BARX2: variants seen among roughly 807,000 people sequenced by gnomAD.
BARX2 encodes the protein homeobox protein BarH-like 2.
A neutral mutation model predicts 25.5 loss-of-function variants in BARX2; 11 were observed. That is an observed-to-expected ratio of 0.43 (90% CI 0.27 to 0.71). The LOEUF (loss-of-function observed/expected upper bound fraction) is 0.71. Among genes scored for constraint, BARX2 ranks in the 30% least tolerant of loss-of-function variants. The pLI is 0.19. For missense variants in BARX2, 360 were observed against 359.9 expected (o/e 1.00, Z 0.00); for synonymous variants, 137 against 149.5 (o/e 0.92, Z 0.61).
chr11:129,436,648 G>T lies in BARX2; in HGVS notation c.188-103G>T. Reference sequence around the variant, plus strand: ...CCATCTGTACCTCCTTAAGAGCAGGGCCCTCCCTGTCAGACAGACCTCAGC... The same window carrying T: ...CCATCTGTACCTCCTTAAGAGCAGGTCCCTCCCTGTCAGACAGACCTCAGC... On this transcript the variant is annotated intron_variant, in intron 1 of 3. Coordinates refer to ENST00000281437, the MANE Select transcript of BARX2 (RefSeq NM_003658.5). This position sits in a 1 kb window ranked among gnomAD's most constrained non-coding sequence, Gnocchi z 4.5. 3.1e-6 allele frequency: 4 copies of T among 1,286,266 alleles called. No individual in the cohort carries two copies. The highest frequency in any genetic ancestry group is 4.3e-6 in the Non-Finnish European group (4 of 937,536). The allele number at this position is 1,286,266 out of a possible 1,614,324, so 79.7% of individuals were successfully genotyped here.
intron 1 of BARX2, among the ~76,000 whole-genome samples, chr11:129,420,242 T>C (rs1435744406): frequency 6.6e-6 from 1 of 152,188 alleles, no homozygotes; most frequent in East Asian, 1.9e-4. Context: ...TTGGATTGGC[T>C]GTTAATACAT....
intron 1 of BARX2, among the ~76,000 whole-genome samples, chr11:129,406,922 T>A (rs1185114593): frequency 6.6e-6 from 1 of 152,180 alleles, no homozygotes; most frequent in Admixed American, 6.5e-5. Flanking sequence ...TTCTTCTGTT[T>A]TCAAGTATCC....
intron 1 of BARX2, among the ~76,000 whole-genome samples, chr11:129,382,281 C>T (rs1260378072): frequency 5.3e-5 from 8 of 152,120 alleles, no homozygotes; most frequent in African/African-American, 9.7e-5. Context: ...CGGGTTCAAG[C>T]GATCCTCCCA....
chr11:129,425,513 G>A (rs911250293), intron 1 of BARX2, among the ~76,000 whole-genome samples: 6 of 152,224 alleles, frequency 3.9e-5, no homozygotes. Flanking sequence ...CAATGGAGGT[G>A]AAGGGTGGTG....
chr11:129,436,062 C>T lies in BARX2; in HGVS notation c.188-689C>T, dbSNP rs1398252972. The T allele has an allele frequency of 6.6e-6, 1 of 152,170 alleles. No homozygotes were observed. Among genetic ancestry groups the T allele is most frequent in the Non-Finnish European group, 1.5e-5 (1 of 68,028 alleles). 9.4% of individuals were successfully genotyped at this position (152,170 alleles called of 1,614,324 possible). ...TTCATGTGATTTAAAATCTGTTTGC[C>T]TCCCTCTTCTGAATGATGTATCCAT... On this transcript the variant is annotated intron_variant, in intron 1 of 3. Coordinates refer to ENST00000281437, the MANE Select transcript of BARX2 (RefSeq NM_003658.5). The surrounding 1 kb of genome is among the most constrained non-coding windows in gnomAD (Gnocchi z 4.5).
chr11:129,439,556 G>A (rs1181899920), intron 2 of BARX2, among the ~76,000 whole-genome samples: 1 of 152,194 alleles, frequency 6.6e-6, no homozygotes, highest in African/African-American at 2.4e-5. Flanking sequence ...GAAGGGAGTT[G>A]AGAATTCTGT....
intron 1 of BARX2, among the ~76,000 whole-genome samples, chr11:129,431,022 C>T (rs114870482): frequency 0.01 from 1,532 of 152,198 alleles, 27 homozygotes; most frequent in African/African-American, 0.034. Flanking sequence ...CCACCACGCC[C>T]GACTAACTTT....
intron 1 of BARX2, among the ~76,000 whole-genome samples, chr11:129,433,910 T>A (rs1862157180): frequency 1.3e-5 from 2 of 152,198 alleles, no homozygotes; most frequent in African/African-American, 4.8e-5. Flanking sequence ...GACTTTATAG[T>A]ATTCGTTGCT....
chr11:129,439,790 A>G (rs1271021197), intron 2 of BARX2, among the ~76,000 whole-genome samples: 4 of 152,078 alleles, frequency 2.6e-5, no homozygotes, highest in African/African-American at 4.8e-5. Flanking sequence ...TATAATTGAG[A>G]GCCTCATGAA....
At position 129,376,823 on chromosome 11, in the gene BARX2, C is replaced by T. The variant is rs574640843; in HGVS notation, c.187+601C>T. 7.2e-5 allele frequency among the ~76,000 whole-genome samples: 11 copies of T among 152,286 alleles called. No individual in the cohort carries two copies. The highest frequency in any genetic ancestry group is 2.6e-4 in the African/African-American group (11 of 41,564). On this transcript the variant is annotated intron_variant, in intron 1 of 3. Transcript: ENST00000281437. The surrounding 1 kb of genome is among the most constrained non-coding windows in gnomAD (Gnocchi z 4.2). The stretch of plus-strand genomic sequence containing the variant: ...TAAGTCAAGCCGAAAAGGTCACCCT[C>T]GTTTGTCTTAAGTGACCAAAACCAG...
intron 1 of BARX2, among the ~76,000 whole-genome samples, chr11:129,385,981 T>C (rs1002905953): frequency 5.9e-5 from 9 of 152,242 alleles, no homozygotes; most frequent in Admixed American, 1.3e-4. Context: ...ACTTTATAAC[T>C]AAACATATGT....
intron 1 of BARX2, among the ~76,000 whole-genome samples, chr11:129,393,109 G>A (rs967031098): frequency 6.6e-6 from 1 of 151,758 alleles, no homozygotes; most frequent in Non-Finnish European, 1.5e-5. Flanking sequence ...TGTCTCTACT[G>A]AAAATAAAAA....
chr11:129,381,888 C>T lies in BARX2; in HGVS notation c.187+5666C>T, dbSNP rs186236301. On this transcript the variant is annotated intron_variant, in intron 1 of 3. Coordinates refer to ENST00000281437, the MANE Select transcript of BARX2 (RefSeq NM_003658.5). ...TCAGCCTCATAGCACAGCATTCCTC[C>T]GAAGGGCTGTACAGGCAAAACAAAG... 5.4e-3 allele frequency among the ~76,000 whole-genome samples: 818 copies of T among 152,262 alleles called. 11 individuals carry two copies. The highest frequency in any genetic ancestry group is 0.019 in the African/African-American group (781 of 41,540).
intron 3 of BARX2, among the ~76,000 whole-genome samples, chr11:129,448,564 A>T (rs549919629): frequency 1.4e-4 from 21 of 152,268 alleles, no homozygotes; most frequent in African/African-American, 3.4e-4. Context: ...TGCAAAGCAG[A>T]ACCACAATGA....
intron 2 of BARX2, among the ~76,000 whole-genome samples, chr11:129,440,856 G>C (rs1161726289): frequency 1.3e-5 from 2 of 152,214 alleles, no homozygotes; most frequent in African/African-American, 4.8e-5. Context: ...AAGTGAGACT[G>C]ACTGTGGGCC....
At chr11:129,441,470 A>G (rs1443732478) in intron 2 of BARX2, among the ~76,000 whole-genome samples, 4 of 152,076 alleles carry the variant, frequency 2.6e-5, no homozygotes, top group Admixed American at 2.0e-4. Flanking sequence ...ATTTATTTTG[A>G]CAATGTCTCA....
chr11:129,394,616 T>C (rs537810768), intron 1 of BARX2, among the ~76,000 whole-genome samples: 10 of 152,142 alleles, frequency 6.6e-5, no homozygotes, highest in Non-Finnish European at 1.3e-4. Context: ...AAAATAAGTC[T>C]TCCCAATTTA....
At chr11:129,443,637 C>G (rs900147314) in intron 3 of BARX2, among the ~76,000 whole-genome samples, 1 of 152,184 alleles carries the variant, frequency 6.6e-6, no homozygotes, top group African/African-American at 2.4e-5. Flanking sequence ...TCATCCTGCT[C>G]TAGTGCCTAG....
intron 1 of BARX2, among the ~76,000 whole-genome samples, chr11:129,407,219 A>G (rs1281252095): frequency 2.0e-5 from 3 of 152,202 alleles, no homozygotes; most frequent in African/African-American, 4.8e-5. Flanking sequence ...ACAGCTTCCT[A>G]TAACCCTACT....
Sources: gnomAD v4.1 joint callset for allele counts (sites outside exome capture counted in the v4.1 genomes callset) on GRCh38, gnomAD v4.1.1 for gene constraint, Gnocchi (gnomAD v3.1) non-coding constraint, MANE v1.5 for transcripts, NCBI Gene and HGNC (gene_info 2026-07-23, HGNC 2026-07-21) for gene names.